The following WWTR1 variants were observed in gnomAD, a reference collection of about 807,000 sequenced individuals.
WWTR1 encodes the protein WW domain containing transcription regulator 1.
In WWTR1, 13 loss-of-function variants were observed where a neutral mutation model predicts 40.1. The observed-to-expected ratio is 0.32, with a 90% CI of 0.21 to 0.52. WWTR1 has a LOEUF of 0.52. Among genes scored for constraint, WWTR1 ranks in the 20% least tolerant of loss-of-function variants. The pLI is 0.97. For synonymous variants in WWTR1, 230 were observed against 210.1 expected (o/e 1.09, Z -0.82); for missense variants, 436 against 523.1 (o/e 0.83, Z 1.63).
At chr3:149,621,912 G>A (rs1477822504) in intron 2 of WWTR1, among the ~76,000 whole-genome samples, 4 of 152,100 alleles carry the variant, frequency 2.6e-5, no homozygotes, top group African/African-American at 9.7e-5. Flanking sequence ...TCTGCTCTGG[G>A]ACCCAAAGAG....
intron 4 of WWTR1, among the ~76,000 whole-genome samples, 156 bp from the exon 5 acceptor site, chr3:149,528,125 G>A (rs762124451): frequency 2.0e-5 from 3 of 152,180 alleles, no homozygotes; most frequent in Admixed American, 6.5e-5. Flanking sequence ...TTCTTTCTCC[G>A]AAGAAAGTCT....
intron 1 of WWTR1, 50 bp from the exon 2 acceptor site, chr3:149,657,359 G>T: frequency 6.5e-7 from 1 of 1,542,434 alleles, no homozygotes. Flanking sequence ...GGAGGAAGTG[G>T]GTAAGAGGGT....
chr3:149,699,685 G>C (rs956504704), intron 1 of WWTR1, among the ~76,000 whole-genome samples: 3 of 152,188 alleles, frequency 2.0e-5, no homozygotes, highest in Non-Finnish European at 4.4e-5. Flanking sequence ...TGAGTAACCT[G>C]TACTGCAGTT....
intron 5 of WWTR1, among the ~76,000 whole-genome samples, chr3:149,710,120 T>A (rs1206463646): frequency 6.6e-6 from 1 of 152,168 alleles, no homozygotes; most frequent in Non-Finnish European, 1.5e-5. Context: ...AGGCCCCAAC[T>A]GTACTGGACC....
At chr3:149,622,498 GAAGGAAGAAAGAAAGA>G (rs1234031453) in intron 2 of WWTR1, among the ~76,000 whole-genome samples, 56 of 51,042 alleles carry the variant, frequency 1.1e-3, no homozygotes, top group African/African-American at 3.9e-3. Flanking sequence ...AGGAAGGAAG[GAAGGAAGAAAGAAAGA>G]AAGAAAGAAA....
chr3:149,535,811 G>A (rs1735803390), intron 4 of WWTR1, among the ~76,000 whole-genome samples: 2 of 151,460 alleles, frequency 1.3e-5, no homozygotes, highest in Admixed American at 6.6e-5. Context: ...CCAGGAGTTC[G>A]AGACCAGCCT....
At chr3:149,621,539 T>C (rs1740271718) in intron 2 of WWTR1, among the ~76,000 whole-genome samples, 1 of 152,172 alleles carries the variant, frequency 6.6e-6, no homozygotes, top group African/African-American at 2.4e-5. Context: ...GCTCTTGATG[T>C]GTTAATCAAG....
chr3:149,639,972 C>T (rs1288755773), intron 2 of WWTR1, among the ~76,000 whole-genome samples: 1 of 129,208 alleles, frequency 7.7e-6, no homozygotes, highest in Non-Finnish European at 1.6e-5. Context: ...CCAGCCTGGG[C>T]TACACAGCGA....
chr3:149,640,011 AAAGAAAG>A (rs1212130049), intron 2 of WWTR1, among the ~76,000 whole-genome samples: 30 of 132,114 alleles, frequency 2.3e-4, no homozygotes, highest in East Asian at 4.2e-4. Context: ...AAAAAAAAAA[AAAGAAAG>A]AAAGAAAGAA....
At chr3:149,698,076 G>T (rs1417574242) in intron 1 of WWTR1, among the ~76,000 whole-genome samples, 41 of 152,380 alleles carry the variant, frequency 2.7e-4, no homozygotes, top group African/African-American at 8.9e-4. Flanking sequence ...TTGGAGTTGA[G>T]TACTTGCATG....
intron 2 of WWTR1, among the ~76,000 whole-genome samples, chr3:149,623,793 G>A (rs1489387269): frequency 6.6e-6 from 1 of 152,148 alleles, no homozygotes; most frequent in African/African-American, 2.4e-5. Flanking sequence ...ATGGCAAATG[G>A]GAATTTATAT....
chr3:149,581,262 A>G (rs544566571), intron 2 of WWTR1, among the ~76,000 whole-genome samples: 1 of 152,286 alleles, frequency 6.6e-6, no homozygotes, highest in East Asian at 1.9e-4. Context: ...AATAGAAGAT[A>G]CAAAGAGGTA....
intron 4 of WWTR1, among the ~76,000 whole-genome samples, chr3:149,723,101 G>A (rs1291074132): frequency 1.3e-5 from 2 of 150,880 alleles, no homozygotes; most frequent in Non-Finnish European, 2.9e-5. Flanking sequence ...ATTTTTTGTT[G>A]GAAATTGGAT....
chr3:149,530,947 T>C (rs1404632312), intron 4 of WWTR1, among the ~76,000 whole-genome samples: 1 of 152,094 alleles, frequency 6.6e-6, no homozygotes, highest in Non-Finnish European at 1.5e-5. Flanking sequence ...GCTTTTTTTT[T>C]TTTTTGAGAT....
intron 2 of WWTR1, among the ~76,000 whole-genome samples, chr3:149,596,679 T>C (rs1228882535): frequency 6.6e-6 from 1 of 152,248 alleles, no homozygotes; most frequent in African/African-American, 2.4e-5. Context: ...TTTGAAGCCA[T>C]GTTGCATAAC....
intron 1 of WWTR1, among the ~76,000 whole-genome samples, chr3:149,685,786 G>A (rs13065308): frequency 0.092 from 13,917 of 152,020 alleles, 796 homozygotes; most frequent in African/African-American, 0.16. Context: ...CAGAGTAGAC[G>A]TTATCATTTT....
chr3:149,536,482 A>AG (rs34960153), intron 4 of WWTR1, among the ~76,000 whole-genome samples: 18,051 of 148,242 alleles, frequency 0.12, 1,717 homozygotes, highest in African/African-American at 0.26. Flanking sequence ...AAAAAAAAAA[A>AG]GGGGGGGGCC....
intron 5 of WWTR1, among the ~76,000 whole-genome samples, chr3:149,717,080 T>C (rs1023751046): frequency 2.6e-5 from 4 of 152,016 alleles, no homozygotes; most frequent in Non-Finnish European, 5.9e-5. Context: ...CGTGGGAGGA[T>C]TGCTTGAGCT....
chr3:149,548,943 C>T (rs79079775), intron 3 of WWTR1, among the ~76,000 whole-genome samples: 15,907 of 152,232 alleles, frequency 0.1, 1,063 homozygotes, highest in Admixed American at 0.16. Context: ...TATTTCCTAA[C>T]AGTACTTCGG....
Sources: allele counts gnomAD v4.1 joint callset (sites outside exome capture counted in the v4.1 genomes callset), GRCh38; gene constraint gnomAD v4.1.1; transcripts MANE v1.5; gene names NCBI Gene and HGNC (gene_info 2026-07-23, HGNC 2026-07-21).